The following CDC42BPA variants were observed in gnomAD, a reference collection of about 807,000 sequenced individuals.
CDC42BPA encodes the protein serine/threonine-protein kinase MRCK alpha.
A neutral mutation model predicts 223.5 loss-of-function variants in CDC42BPA; 80 were observed. That is an observed-to-expected ratio of 0.36 (90% CI 0.30 to 0.43). The LOEUF is 0.43. Ranked by LOEUF, CDC42BPA falls within the 20% of genes least tolerant of loss-of-function variation. The pLI is 1.00. For missense variants in CDC42BPA, 1,743 were observed against 2,099.9 expected, an observed-to-expected ratio of 0.83 and a Z score of 3.32; for synonymous variants, 694 against 718.6, an observed-to-expected ratio of 0.97 and a Z score of 0.55.
intron 23 of CDC42BPA, 135 bp from the exon 24 acceptor site, chr1:227,040,371 T>A: frequency 1.6e-6 from 1 of 613,702 alleles, no homozygotes; most frequent in Admixed American, 2.9e-5. Context: ...TCTCATTACA[T>A]CTTCTTATAG....
At chr1:227,275,362 T>C (rs2148506675) in intron 1 of CDC42BPA, among the ~76,000 whole-genome samples, 1 of 151,368 alleles carries the variant, frequency 6.6e-6, no homozygotes, top group African/African-American at 2.4e-5. Flanking sequence ...AAAACAATAA[T>C]GCTAAAAATT....
chr1:226,999,306 G>A (rs12409230), intron 35 of CDC42BPA, among the ~76,000 whole-genome samples: 56,601 of 151,540 alleles, frequency 0.37, 11,295 homozygotes, highest in Non-Finnish European at 0.46. Flanking sequence ...CCTCTCGAGT[G>A]GCTGGGACTA....
intron 1 of CDC42BPA, among the ~76,000 whole-genome samples, chr1:227,301,278 C>T (rs1026330705): frequency 6.6e-6 from 1 of 151,886 alleles, no homozygotes; most frequent in Admixed American, 6.6e-5. Flanking sequence ...TTGAGCTCCT[C>T]GATTACAGGA....
At chr1:227,136,072 A>G (rs946219864) in intron 10 of CDC42BPA, among the ~76,000 whole-genome samples, 1 of 109,452 alleles carries the variant, frequency 9.1e-6, no homozygotes, top group Non-Finnish European at 2.0e-5. Flanking sequence ...AAAAAACAGA[A>G]AGGCAGGCTC....
At chr1:227,213,586 A>T (rs915090777) in intron 2 of CDC42BPA, among the ~76,000 whole-genome samples, 3 of 152,196 alleles carry the variant, frequency 2.0e-5, no homozygotes, top group Non-Finnish European at 2.9e-5. Flanking sequence ...TCAACAGGAA[A>T]GAACTAGAGC....
chr1:227,198,478 A>G (rs4462106), intron 4 of CDC42BPA, among the ~76,000 whole-genome samples: 47,834 of 82,908 alleles, frequency 0.58, 14,247 homozygotes, highest in Non-Finnish European at 0.64. Context: ...AAGAAAGAAA[A>G]AAAATGTTGC....
chr1:227,185,147 A>G (rs1176339685), intron 5 of CDC42BPA, among the ~76,000 whole-genome samples: 1 of 131,662 alleles, frequency 7.6e-6, no homozygotes, highest in Non-Finnish European at 1.7e-5. Flanking sequence ...TCATCTTTAC[A>G]AGAAATTTTT....
intron 5 of CDC42BPA, among the ~76,000 whole-genome samples, chr1:227,166,399 T>C (rs187870939): frequency 1.3e-5 from 2 of 152,264 alleles, no homozygotes; most frequent in East Asian, 3.9e-4. Flanking sequence ...ATTTGAAGGA[T>C]TCATAGGGTA....
chr1:227,312,140 T>C (rs1693644917), intron 1 of CDC42BPA, among the ~76,000 whole-genome samples: 1 of 152,242 alleles, frequency 6.6e-6, no homozygotes, highest in Admixed American at 6.5e-5. Flanking sequence ...CTTTATATTT[T>C]CTATTCTAGT....
intron 34 of CDC42BPA, among the ~76,000 whole-genome samples, chr1:227,014,749 T>C (rs1665876315): frequency 6.6e-6 from 1 of 152,150 alleles, no homozygotes; most frequent in Admixed American, 6.5e-5. Flanking sequence ...CAAATGGCCA[T>C]GAAATATGAA....
At chr1:227,253,045 A>C (rs533622270) in intron 2 of CDC42BPA, among the ~76,000 whole-genome samples, 13 of 152,322 alleles carry the variant, frequency 8.5e-5, no homozygotes, top group African/African-American at 3.1e-4. Context: ...TATTGAGATA[A>C]ATTTATAAAG....
At chr1:227,207,179 G>A (rs868523620) in intron 3 of CDC42BPA, among the ~76,000 whole-genome samples, 25 of 144,624 alleles carry the variant, frequency 1.7e-4, no homozygotes, top group Middle Eastern at 7.5e-3. Flanking sequence ...GAGAACATGC[G>A]GTGTTTGGTT....
intron 1 of CDC42BPA, among the ~76,000 whole-genome samples, chr1:227,274,120 A>T (rs929541349): frequency 6.6e-6 from 1 of 151,872 alleles, no homozygotes; most frequent in African/African-American, 2.4e-5. Context: ...TCCGTAGTAT[A>T]TATCTCCTAA....
rs115175936 is a variant in CDC42BPA at position 227,052,925 on chromosome 1, A to T, written c.2905-940T>A. Among the ~76,000 whole-genome samples the T allele has an allele frequency of 4.1e-3, 632 of 152,360 alleles. 6 individuals are homozygous for T. The highest frequency in any genetic ancestry group is 0.015 in the African/African-American group (611 of 41,582). ...CTGCTGGCAAAGTAGAACTATTAAA[A>T]CAATGAATTAAAATACAATGCCCTT... On this transcript the variant is annotated intron_variant, in intron 21 of 36. Transcript: ENST00000366766.
Position 227,047,966 on chromosome 1 carries a change from C to T in CDC42BPA, c.3054G>A (p.Arg1018=), listed in dbSNP as rs754183815. ...TPLSVHTPTL[R]KKGCPGSTGF... ...CAGTTGAACCAGGACATCCTTTTTT[C>T]CTTAAGGTTGGTGTGTGAACTGAAA... The change falls in exon 23 of 37, where the codon AGG becomes AGA. Residue 1018 remains arginine, a synonymous_variant. Coordinates refer to ENST00000366766, the MANE Select transcript of CDC42BPA (RefSeq NM_001394014.1). 1.9e-6 allele frequency: 3 copies of T among 1,611,446 alleles called. No homozygotes were observed. The South Asian group carries it at 3.3e-5, about 18-fold the overall frequency.
chr1:227,316,117 C>G (rs1002363712), intron 1 of CDC42BPA, among the ~76,000 whole-genome samples: 2 of 152,136 alleles, frequency 1.3e-5, no homozygotes, highest in African/African-American at 4.8e-5. Context: ...CAAAATCCTT[C>G]AAAAGCCAAC....
intron 1 of CDC42BPA, among the ~76,000 whole-genome samples, chr1:227,296,395 T>C (rs990742615): frequency 6.6e-6 from 1 of 151,818 alleles, no homozygotes; most frequent in African/African-American, 2.4e-5. Flanking sequence ...ATATAAGAAG[T>C]GAAACACAAA....
chr1:227,099,227 T>C (rs1572800282), intron 15 of CDC42BPA, among the ~76,000 whole-genome samples: 1 of 152,114 alleles, frequency 6.6e-6, no homozygotes, highest in African/African-American at 2.4e-5. Context: ...TCTTAGAGTA[T>C]ACAGCTTCTA....
intron 16 of CDC42BPA, among the ~76,000 whole-genome samples, chr1:227,082,578 G>A (rs1680921115): frequency 6.6e-6 from 1 of 151,738 alleles, no homozygotes; most frequent in Non-Finnish European, 1.5e-5. Flanking sequence ...AGCCAGACGT[G>A]GTGGCATGTG....
Sources: allele counts gnomAD v4.1 joint callset (sites outside exome capture counted in the v4.1 genomes callset), GRCh38; gene constraint gnomAD v4.1.1; transcripts MANE v1.5; gene names NCBI Gene and HGNC (gene_info 2026-07-23, HGNC 2026-07-21).